CSMD1: variants seen among roughly 807,000 people sequenced by gnomAD.
CSMD1 encodes the protein CUB and sushi domain-containing protein 1.
In CSMD1, 213 loss-of-function variants were observed where a neutral mutation model predicts 417.5. The ratio of observed to expected loss-of-function variants is 0.51; its 90% CI spans 0.46 to 0.57. The LOEUF is 0.57. Ranked by LOEUF, CSMD1 falls within the 20% of genes least tolerant of loss-of-function variation. The probability of loss-of-function intolerance (pLI) is 0.00; values close to 1 mark genes in which losing one functional copy is unlikely to be tolerated. For missense variants in CSMD1, 6,923 were observed against 4,529.7 expected (o/e 1.53, Z -15.17); for synonymous variants, 2,862 against 1,736.8 (o/e 1.65, Z -16.11).
chr8:4,079,515 G>A (rs1373706067), intron 3 of CSMD1, among the ~76,000 whole-genome samples: 2 of 152,138 alleles, frequency 1.3e-5, no homozygotes, highest in Non-Finnish European at 2.9e-5. Flanking sequence ...AAACAATGAA[G>A]ACAGCTGCAC....
chr8:3,198,843 C>A (rs1314294222), intron 33 of CSMD1, among the ~76,000 whole-genome samples: 1 of 152,156 alleles, frequency 6.6e-6, no homozygotes, highest in African/African-American at 2.4e-5. Context: ...AAAAATTTTT[C>A]TCCAGATCTG....
At chr8:4,335,656 G>C (rs1800121033) in intron 3 of CSMD1, among the ~76,000 whole-genome samples, 1 of 152,082 alleles carries the variant, frequency 6.6e-6, no homozygotes, top group African/African-American at 2.4e-5. Flanking sequence ...ATGAAAAGTT[G>C]CTGGGAGCAT....
At chr8:3,947,050 T>A (rs1402182094) in intron 5 of CSMD1, among the ~76,000 whole-genome samples, 1 of 152,186 alleles carries the variant, frequency 6.6e-6, no homozygotes, top group East Asian at 1.9e-4. Flanking sequence ...GGCACTTGCT[T>A]GGTAACTTCA....
chr8:4,350,345 G>C (rs560020946), intron 3 of CSMD1, among the ~76,000 whole-genome samples: 3 of 152,278 alleles, frequency 2.0e-5, no homozygotes, highest in Non-Finnish European at 4.4e-5. Flanking sequence ...CACACAAACT[G>C]TGAACCAAGA....
intron 1 of CSMD1, among the ~76,000 whole-genome samples, chr8:4,974,542 C>A (rs184571633): frequency 1.4e-4 from 22 of 152,114 alleles, no homozygotes; most frequent in Non-Finnish European, 1.6e-4. Context: ...AGAGTTAGTT[C>A]AGGCATACAA....
chr8:4,010,217 C>A (rs937506223), intron 4 of CSMD1, among the ~76,000 whole-genome samples: 3 of 152,110 alleles, frequency 2.0e-5, no homozygotes, highest in African/African-American at 4.8e-5. Flanking sequence ...TGCCCACCCA[C>A]ATGCATCTCA....
intron 41 of CSMD1, among the ~76,000 whole-genome samples, chr8:3,134,682 G>T (rs746233991): frequency 6.6e-6 from 1 of 152,192 alleles, no homozygotes; most frequent in Non-Finnish European, 1.5e-5. Flanking sequence ...AGAATCCAAA[G>T]ACTTCATTTC....
At chr8:3,527,379 T>C (rs930648557) in intron 10 of CSMD1, among the ~76,000 whole-genome samples, 1 of 152,114 alleles carries the variant, frequency 6.6e-6, no homozygotes, top group Non-Finnish European at 1.5e-5. Context: ...ATGATTTCGT[T>C]TGTATAACAT....
chr8:3,620,248 G>A (rs1408049241), intron 7 of CSMD1, among the ~76,000 whole-genome samples: 1 of 152,114 alleles, frequency 6.6e-6, no homozygotes, highest in Non-Finnish European at 1.5e-5. Context: ...TCAAAATAGA[G>A]TGAGTTTATT....
At chr8:3,788,415 T>C (rs555564216) in intron 5 of CSMD1, among the ~76,000 whole-genome samples, 1 of 152,160 alleles carries the variant, frequency 6.6e-6, no homozygotes, top group South Asian at 2.1e-4. Context: ...GTGAGGCTTC[T>C]GGAGGTGCCC....
At chr8:3,560,711 C>T (rs1028030680) in intron 10 of CSMD1, among the ~76,000 whole-genome samples, 1 of 152,174 alleles carries the variant, frequency 6.6e-6, no homozygotes, top group Non-Finnish European at 1.5e-5. Context: ...TACTTTTTGA[C>T]ATAAATTAGT....
intron 2 of CSMD1, among the ~76,000 whole-genome samples, chr8:4,432,004 A>G (rs945479162): frequency 4.6e-5 from 7 of 152,196 alleles, no homozygotes; most frequent in Non-Finnish European, 8.8e-5. Context: ...ATATTTGTCA[A>G]TGTATTCTCA....
intron 15 of CSMD1, among the ~76,000 whole-genome samples, chr8:3,403,747 C>T (rs777633207): frequency 1.8e-4 from 27 of 152,146 alleles, no homozygotes; most frequent in Admixed American, 3.9e-4. Context: ...GGCTAGAATA[C>T]GATTTGCACC....
At chr8:4,935,355 C>T (rs1244587180) in intron 1 of CSMD1, among the ~76,000 whole-genome samples, 1 of 152,170 alleles carries the variant, frequency 6.6e-6, no homozygotes, top group Non-Finnish European at 1.5e-5. Context: ...GAGACATCGC[C>T]CTGTGTGTAT....
In CSMD1 at chr8:4,841,919, A is replaced by AC. The variant is rs1484042951; in HGVS notation, c.85+152412_85+152413insG. Among the ~76,000 whole-genome samples, 527 of 141,260 alleles carry AC rather than the reference A, an allele frequency of 3.7e-3. 32 individuals are homozygous for AC. The highest frequency in any genetic ancestry group is 0.014 in the African/African-American group (510 of 36,598). 92.7% of individuals were successfully genotyped at this position (141,260 alleles called of 152,430 possible). ...AGAGCAAAACTCCGTCTCAAAAAAA[A>AC]AAAAAAAAAAAAAAAAAAAGTTCAG... On this transcript the variant is annotated intron_variant, in intron 1 of 69. Transcript: ENST00000635120.
chr8:3,132,869 G>C (rs1306692952), intron 41 of CSMD1, among the ~76,000 whole-genome samples: 1 of 152,110 alleles, frequency 6.6e-6, no homozygotes, highest in African/African-American at 2.4e-5. Flanking sequence ...TAGGAAACAG[G>C]AAACAGGAAG....
chr8:3,891,659 G>C lies in CSMD1; in HGVS notation c.818+106244C>G, dbSNP rs1243013593. On this transcript the variant is annotated intron_variant, in intron 5 of 69. Transcript: ENST00000635120. ...GATCACACCACTGCACTAGAGCCTAGGTGACAAAGCAAGACCTTGTCTCAA... is the reference window on the plus strand; with the variant it reads ...GATCACACCACTGCACTAGAGCCTACGTGACAAAGCAAGACCTTGTCTCAA... Among the ~76,000 whole-genome samples the C allele has an allele frequency of 3.3e-5, 5 of 150,186 alleles. No homozygotes were observed. The East Asian group carries it at 1.0e-3, about 30-fold the overall frequency.
At chr8:3,841,278 A>G (rs1372809647) in intron 5 of CSMD1, among the ~76,000 whole-genome samples, 15 of 152,206 alleles carry the variant, frequency 9.9e-5, no homozygotes, top group Admixed American at 9.8e-4. Flanking sequence ...ATTTTGAACT[A>G]TCTTTAAAAC....
In CSMD1 at chr8:4,455,194, A is replaced by C. The variant is rs558529193; in HGVS notation, c.303-35129T>G. ...CAGAATTAAAGATGCAACAAAAGCT[A>C]TGACTCTCTTTATCTTACTCTGAAA... On this transcript the variant is annotated intron_variant, in intron 2 of 69. Coordinates refer to ENST00000635120, the MANE Select transcript of CSMD1 (RefSeq NM_033225.6). Among the ~76,000 whole-genome samples the C allele has an allele frequency of 1.0e-4, 15 of 149,642 alleles. No individual in the cohort carries two copies. In the East Asian group the frequency reaches 2.7e-3, roughly 27 times the overall value.
Sources: gnomAD v4.1 joint callset for allele counts (sites outside exome capture counted in the v4.1 genomes callset) on GRCh38, gnomAD v4.1.1 for gene constraint, MANE v1.5 for transcripts, NCBI Gene and HGNC (gene_info 2026-07-23, HGNC 2026-07-21) for gene names.